Variants in TMEM219 observed in about 807,000 individuals in gnomAD.
TMEM219 encodes the protein transmembrane protein 219, also known as insulin-like growth factor-binding protein 3 receptor.
TMEM219 carries 18 observed loss-of-function variants against 17.9 expected under a neutral mutation model. The ratio of observed to expected loss-of-function variants is 1.01; its 90% CI spans 0.70 to 1.49. The LOEUF (loss-of-function observed/expected upper bound fraction) is 1.49. Ranked by LOEUF, TMEM219 falls within the 40% of genes most tolerant of loss-of-function variation. TMEM219 has a pLI of 0.00. For missense variants in TMEM219, 288 were observed against 292.4 expected, an observed-to-expected ratio of 0.99 and a Z score of 0.11; for synonymous variants, 113 against 124.0, an observed-to-expected ratio of 0.91 and a Z score of 0.59.
Position 29,963,320 on chromosome 16 carries a change from A to C in TMEM219, c.165+12A>C, listed in dbSNP as rs1596575070. Reference sequence around the variant, plus strand: ...CTGACATCCCCCAGGTAAGTTCCCCACCCCCGTACCCGCTCTTCCTTCCAA... The same window carrying C: ...CTGACATCCCCCAGGTAAGTTCCCCCCCCCCGTACCCGCTCTTCCTTCCAA... On this transcript the variant is annotated intron_variant, in intron 2 of 5. Transcript: ENST00000279396. The C allele has an allele frequency of 6.2e-7, 1 of 1,611,998 alleles. No individual in the cohort carries two copies. The highest frequency in any genetic ancestry group is 8.5e-7 in the Non-Finnish European group (1 of 1,179,246).
At chr16:29,966,619 G>A (rs1380501236) in intron 3 of TMEM219, among the ~76,000 whole-genome samples, 2 of 151,826 alleles carry the variant, frequency 1.3e-5, no homozygotes, top group African/African-American at 4.8e-5. Flanking sequence ...GTTCAAGACT[G>A]GCCTGGCCAA....
At chr16:29,962,421 G>C (rs933415581) in intron 1 of TMEM219, among the ~76,000 whole-genome samples, 1 of 152,144 alleles carries the variant, frequency 6.6e-6, no homozygotes, top group African/African-American at 2.4e-5. Flanking sequence ...GTCGCACCTT[G>C]CGTGGGAAGG....
At chr16:29,966,931 T>C (rs1327236232) in intron 3 of TMEM219, among the ~76,000 whole-genome samples, 1 of 152,222 alleles carries the variant, frequency 6.6e-6, no homozygotes, top group African/African-American at 2.4e-5. Flanking sequence ...TTTTATAAGA[T>C]AACAGTTTGA....
Position 29,968,146 on chromosome 16 carries a change from C to A in TMEM219, c.477C>A (p.Ser159=), listed in dbSNP as rs1398937151. ...GILPSSQPPI[S]CSEEGAGNAT... is the part of the protein sequence containing the mutation. Reference sequence around the variant, plus strand: ...TACCCTCCAGCCAGCCACCCATATCCTGCTCAGAGGAGGGGGCTGGAAATG... The same window carrying A: ...TACCCTCCAGCCAGCCACCCATATCATGCTCAGAGGAGGGGGCTGGAAATG... Residue 159 remains serine (S), a synonymous_variant, in exon 4 of 6, where the codon TCC becomes TCA. Transcript: ENST00000279396. The A allele has an allele frequency of 1.2e-6, 2 of 1,614,026 alleles. No individual in the cohort carries two copies. The highest frequency in any genetic ancestry group is 1.7e-5 in the Admixed American group (1 of 59,994).
chr16:29,968,548 ATTG>A (rs1157529957), intron 4 of TMEM219: 8 of 306,600 alleles, frequency 2.6e-5, no homozygotes, highest in Non-Finnish European at 1.2e-5. Flanking sequence ...AGTGACAGCT[ATTG>A]TTGTTTACTA....
chr16:29,963,391 T>C lies in TMEM219; in HGVS notation c.166-9T>C, dbSNP rs1449992513. 1.2e-6 allele frequency: 2 copies of C among 1,613,900 alleles called. No homozygotes were observed. Among genetic ancestry groups the C allele is most frequent in the Middle Eastern group, 1.6e-4 (1 of 6,062 alleles). ...TAATCTCATCTCACCCGTCTTCTTT[T>C]GCTCACAGGACTGGGTCTCTTTTTT... On this transcript the variant is annotated splice_polypyrimidine_tract_variant and intron_variant, in intron 2 of 5. Coordinates refer to ENST00000279396, the MANE Select transcript of TMEM219 (RefSeq NM_001083613.2).
chr16:29,963,623 C>G (rs751082763), intron 3 of TMEM219, 34 bp downstream of exon 3: 2 of 1,594,426 alleles, frequency 1.3e-6, no homozygotes, highest in Non-Finnish European at 1.7e-6. Context: ...TGGCTCACGC[C>G]TGTAATCCCA....
chr16:29,963,286 T>G lies in TMEM219; in HGVS notation c.143T>G (p.Leu48Arg), dbSNP rs779932439. The G allele has an allele frequency of 3.1e-6, 5 of 1,614,126 alleles. No individual in the cohort carries two copies. Among genetic ancestry groups the G allele is most frequent in the Non-Finnish European group, 1.7e-6 (2 of 1,180,032 alleles). The part of the protein sequence containing the change: ...GSFLLTHRTG[L>R]RSPDIPQDWV... ...TTCCTCCTCACCCACAGGACTGGCCTGCGCAGCCCTGACATCCCCCAGGTA... is the reference window on the plus strand; with the variant it reads ...TTCCTCCTCACCCACAGGACTGGCCGGCGCAGCCCTGACATCCCCCAGGTA... Residue 48 changes from leucine (L) to arginine (R), a missense_variant, in exon 2 of 6, where the codon CTG (leucine) becomes CGG (arginine). Leu to Arg is a moderately radical substitution (Grantham distance 102). Transcript: ENST00000279396.
Position 29,963,274 on chromosome 16 carries a change from A to G in TMEM219, c.131A>G (p.His44Arg). Residue 44 changes from histidine to arginine, a missense_variant, in exon 2 of 6, where the codon CAC becomes CGC. Coordinates refer to ENST00000279396, the MANE Select transcript of TMEM219 (RefSeq NM_001083613.2). ...GGCCTTGGCAGCTTCCTCCTCACCCACAGGACTGGCCTGCGCAGCCCTGAC... is the reference window on the plus strand; with the variant it reads ...GGCCTTGGCAGCTTCCTCCTCACCCGCAGGACTGGCCTGCGCAGCCCTGAC... The part of the protein sequence containing the change: ...GLGLGSFLLT[H>R]RTGLRSPDIP... The G allele has an allele frequency of 6.2e-7, 1 of 1,613,452 alleles. No homozygotes were observed. The highest frequency in any genetic ancestry group is 1.6e-4 in the Middle Eastern group (1 of 6,062).
intron 4 of TMEM219, among the ~76,000 whole-genome samples, chr16:29,970,166 A>T (rs1315094770): frequency 6.6e-6 from 1 of 150,880 alleles, no homozygotes; most frequent in African/African-American, 2.4e-5. Context: ...CCTGGGAGGC[A>T]GAGGTTGTAG....
chr16:29,963,096 C>T lies in TMEM219; in HGVS notation c.-37-11C>T, dbSNP rs1469058687. On this transcript the variant is annotated splice_polypyrimidine_tract_variant and intron_variant, in intron 1 of 5. Transcript: ENST00000279396. ...GGTGCTCTTGTCCCATTCTCCCTCC[C>T]TGTCTTCCAGCAGGCTCTCCCCGGA... 2 of 1,597,704 alleles carry T rather than the reference C, an allele frequency of 1.3e-6. No homozygotes were observed. The highest frequency in any genetic ancestry group is 1.7e-6 in the Non-Finnish European group (2 of 1,175,506).
At chr16:29,964,050 T>A (rs766315747) in intron 3 of TMEM219, among the ~76,000 whole-genome samples, 13 of 151,510 alleles carry the variant, frequency 8.6e-5, no homozygotes, top group African/African-American at 1.7e-4. Flanking sequence ...GTGGTCTGGT[T>A]GCGGTGGCCC....
intron 4 of TMEM219, among the ~76,000 whole-genome samples, chr16:29,970,670 A>T (rs557859274): frequency 1.3e-5 from 2 of 152,074 alleles, no homozygotes; most frequent in Admixed American, 6.5e-5. Flanking sequence ...TTCCTATCTC[A>T]TGGAGTTATG....
chr16:29,964,656 C>T (rs937424572), intron 3 of TMEM219, among the ~76,000 whole-genome samples: 27 of 151,890 alleles, frequency 1.8e-4, no homozygotes, highest in Non-Finnish European at 2.8e-4. Flanking sequence ...GACTCTGTCC[C>T]GCCCCGCGCC....
rs774172877 is a variant in TMEM219, at chr16:29,968,274, C to T, written c.585+20C>T. The T allele has an allele frequency of 2.9e-5, 47 of 1,596,788 alleles. No individual in the cohort carries two copies. The highest frequency in any genetic ancestry group is 1.8e-4 in the East Asian group (8 of 44,584). On this transcript the variant is annotated intron_variant, in intron 4 of 5. Transcript: ENST00000279396. ...ACCTCGGTAAGAGCCTCAGATGGGTCGCCAGGGTTTTGTAGACTGCCTGCT... is the reference window on the plus strand; with the variant it reads ...ACCTCGGTAAGAGCCTCAGATGGGTTGCCAGGGTTTTGTAGACTGCCTGCT...
chr16:29,970,418 A>G (rs1372277319), intron 4 of TMEM219, among the ~76,000 whole-genome samples: 10 of 142,130 alleles, frequency 7.0e-5, no homozygotes, highest in Admixed American at 2.2e-4. Context: ...TCCGCCTCCC[A>G]GGTTCACGCC....
intron 1 of TMEM219, 140 bp from the exon 2 acceptor site, chr16:29,962,953 GGGAGTTGAACTTTT>G (rs1275732277): frequency 3.3e-5 from 22 of 673,476 alleles, no homozygotes; most frequent in Non-Finnish European, 5.5e-5. Flanking sequence ...CAGCAGTGCA[GGGAGTTGAACTTTT>G]GGAGTCGGGA....
At chr16:29,968,830 GTTA>G (rs2069246592) in intron 4 of TMEM219, among the ~76,000 whole-genome samples, 2 of 152,214 alleles carry the variant, frequency 1.3e-5, no homozygotes, top group African/African-American at 4.8e-5. Context: ...TGAGGTAGGT[GTTA>G]TTATCCCATT....
chr16:29,969,478 A>G (rs2069254587), intron 4 of TMEM219, among the ~76,000 whole-genome samples: 1 of 151,884 alleles, frequency 6.6e-6, no homozygotes, highest in Non-Finnish European at 1.5e-5. Flanking sequence ...TACAGGTGTG[A>G]GCCACTGCGC....
Sources: gnomAD v4.1 joint callset for allele counts (sites outside exome capture counted in the v4.1 genomes callset) on GRCh38, gnomAD v4.1.1 for gene constraint, MANE v1.5 for transcripts, NCBI Gene and HGNC (gene_info 2026-07-23, HGNC 2026-07-21) for gene names.